The following CACNA1E variants were observed in gnomAD, a reference collection of about 807,000 sequenced individuals.
The protein encoded by CACNA1E is voltage-dependent R-type calcium channel subunit alpha-1E.
In CACNA1E, 40 loss-of-function variants were observed where a neutral mutation model predicts 259.2. That is an observed-to-expected ratio of 0.15 (90% CI 0.12 to 0.20). The LOEUF (loss-of-function observed/expected upper bound fraction) is 0.20, where lower values mean the gene tolerates loss of function less well. Ranked by LOEUF, CACNA1E falls within the 10% of genes least tolerant of loss-of-function variation. CACNA1E has a pLI of 1.00. For synonymous variants in CACNA1E, 1,104 were observed against 1,138.5 expected, an observed-to-expected ratio of 0.97 and a Z score of 0.61; for missense variants, 1,874 against 3,040.1, an observed-to-expected ratio of 0.62 and a Z score of 9.02.
chr1:181,661,402 C>G (rs141951023), intron 7 of CACNA1E, among the ~76,000 whole-genome samples: 1 of 152,160 alleles, frequency 6.6e-6, no homozygotes, highest in Non-Finnish European at 1.5e-5. Context: ...TGTTGGGGGC[C>G]AGGTGTCGGA....
At chr1:181,726,300 C>A in intron 18 of CACNA1E, 138 bp downstream of exon 18, 1 of 612,410 alleles carries the variant, frequency 1.6e-6, no homozygotes, top group Non-Finnish European at 2.9e-6. Context: ...GTGAGCCAGA[C>A]AGAGTCTGTT....
chr1:181,432,067 C>T (rs370522029), intron 2 of CACNA1E, among the ~76,000 whole-genome samples: 3 of 152,002 alleles, frequency 2.0e-5, no homozygotes, highest in East Asian at 1.9e-4. Context: ...TTGGAGTCAG[C>T]CCCCTTTGGA....
chr1:181,353,213 G>A (rs535991076), intron 1 of CACNA1E, among the ~76,000 whole-genome samples: 2 of 152,220 alleles, frequency 1.3e-5, no homozygotes, highest in East Asian at 3.9e-4. Flanking sequence ...TCCTTTGAGG[G>A]GCCCATTTAT....
chr1:181,702,824 C>T (rs895162806), intron 7 of CACNA1E, among the ~76,000 whole-genome samples: 6 of 152,188 alleles, frequency 3.9e-5, no homozygotes, highest in Non-Finnish European at 7.3e-5. Context: ...TCCAGCTCCC[C>T]GACACCCAAT....
chr1:181,325,484 C>T (rs1256213149), intron 1 of CACNA1E, among the ~76,000 whole-genome samples: 1 of 152,148 alleles, frequency 6.6e-6, no homozygotes, highest in African/African-American at 2.4e-5. Flanking sequence ...CTTAGGCATT[C>T]AAATTCTCAT....
rs116325332 is a variant in CACNA1E at position 181,433,975 on chromosome 1, A to G, written c.434+20395A>G. Among the ~76,000 whole-genome samples the G allele has an allele frequency of 6.9e-3, 1,051 of 152,308 alleles. 15 individuals carry two copies. The highest frequency in any genetic ancestry group is 0.024 in the African/African-American group (1,006 of 41,566). ...ATGTGAAATAAAGAACTACCTTATT[A>G]ACAGCTCAGCAAGCACTGGAGACCG... On this transcript the variant is annotated intron_variant, in intron 2 of 11. Transcript: ENST00000524607.
intron 7 of CACNA1E, among the ~76,000 whole-genome samples, chr1:181,685,867 T>C (rs555829999): frequency 6.6e-6 from 1 of 152,304 alleles, no homozygotes; most frequent in Admixed American, 6.5e-5. Context: ...ACCCTGTCCT[T>C]TATATTTTTT....
chr1:181,335,478 G>A (rs1409516025), intron 1 of CACNA1E, among the ~76,000 whole-genome samples: 1 of 152,164 alleles, frequency 6.6e-6, no homozygotes, highest in Non-Finnish European at 1.5e-5. Flanking sequence ...TCTGGTTGCT[G>A]GCCTAGATGT....
intron 25 of CACNA1E, 141 bp from the exon 26 acceptor site, chr1:181,750,330 CCTGTG>C: frequency 1.5e-6 from 1 of 674,106 alleles, no homozygotes. Context: ...GTCCCCTGGG[CCTGTG>C]CTGCTCTGAT....
At chr1:181,632,357 T>C (rs995148591) in intron 6 of CACNA1E, among the ~76,000 whole-genome samples, 3 of 152,168 alleles carry the variant, frequency 2.0e-5, no homozygotes, top group African/African-American at 7.2e-5. Flanking sequence ...CTGGCTTTTA[T>C]TCCAAGTGCT....
At chr1:181,357,336 C>T (rs192953978) in intron 1 of CACNA1E, among the ~76,000 whole-genome samples, 2 of 152,200 alleles carry the variant, frequency 1.3e-5, no homozygotes, top group East Asian at 1.9e-4. Context: ...CTCAGGGGGG[C>T]ATTTTGGGAA....
chr1:181,798,294 C>G lies in CACNA1E; in HGVS notation c.6402C>G (p.Gly2134=), dbSNP rs1282664243. ...GCCATGTCTCTCCTGCTATACAGGG[C>G]ACAGGTTCCCTAAGTGAGAGCTCCA... ...EGRSQTPNRQ[G]TGSLSESSIP... The change falls in exon 48 of 48, where the codon GGC becomes GGG. Residue 2134 remains glycine (G), a splice_region_variant and synonymous_variant. Transcript: ENST00000367573. This position sits in a 1 kb window ranked among gnomAD's most constrained non-coding sequence, Gnocchi z 4.2. The G allele has an allele frequency of 3.8e-6, 6 of 1,589,610 alleles. No individual in the cohort carries two copies. The highest frequency in any genetic ancestry group is 5.1e-6 in the Non-Finnish European group (6 of 1,169,552).
chr1:181,446,156 G>C (rs774350194), intron 2 of CACNA1E, among the ~76,000 whole-genome samples: 19 of 152,214 alleles, frequency 1.2e-4, no homozygotes, highest in Non-Finnish European at 1.8e-4. Flanking sequence ...CCAGACTGTG[G>C]TGTTCTTTGG....
At chr1:181,673,514 A>G (rs1572557645) in intron 7 of CACNA1E, among the ~76,000 whole-genome samples, 1 of 152,208 alleles carries the variant, frequency 6.6e-6, no homozygotes, top group East Asian at 1.9e-4. Context: ...CATTCATTCA[A>G]CATTTGTGGA....
chr1:181,716,468 G>A (rs1367534886), intron 10 of CACNA1E, among the ~76,000 whole-genome samples: 1 of 152,148 alleles, frequency 6.6e-6, no homozygotes, highest in Non-Finnish European at 1.5e-5. Context: ...ATTGTTCAAA[G>A]GATCCTGAGG....
rs181366032 is a variant in CACNA1E at position 181,789,789 on chromosome 1, C to T, written c.5787-656C>T. 3.9e-5 allele frequency among the ~76,000 whole-genome samples: 6 copies of T among 152,332 alleles called. No individual in the cohort carries two copies. In the East Asian group the frequency reaches 1.2e-3, roughly 29 times the overall value. On this transcript the variant is annotated intron_variant, in intron 43 of 47. Transcript: ENST00000367573. ...GTTCTGCATTCTTTTCCCTTGGAGG[C>T]CTCTAAACAACTGGGCAGACTTTGT...
intron 1 of CACNA1E, among the ~76,000 whole-genome samples, chr1:181,346,983 C>G (rs182234851): frequency 3.9e-5 from 6 of 152,308 alleles, no homozygotes; most frequent in Non-Finnish European, 8.8e-5. Flanking sequence ...AGCCAGGCAC[C>G]TAGTAGGTGC....
At chr1:181,506,913 A>G (rs1318605213) in intron 1 of CACNA1E, among the ~76,000 whole-genome samples, 1 of 152,102 alleles carries the variant, frequency 6.6e-6, no homozygotes, top group Non-Finnish European at 1.5e-5. Flanking sequence ...CCACAGTTAC[A>G]CAGAATCTCC....
chr1:181,557,376 A>G (rs2102869557), intron 3 of CACNA1E, among the ~76,000 whole-genome samples: 1 of 152,228 alleles, frequency 6.6e-6, no homozygotes, highest in East Asian at 1.9e-4. Flanking sequence ...CCCTCTGGAA[A>G]ATGCCACCAG....
Sources: gnomAD v4.1 joint callset for allele counts (sites outside exome capture counted in the v4.1 genomes callset) on GRCh38, gnomAD v4.1.1 for gene constraint, Gnocchi (gnomAD v3.1) non-coding constraint, MANE v1.5 for transcripts, NCBI Gene and HGNC (gene_info 2026-07-23, HGNC 2026-07-21) for gene names.